CAMK2D: variants seen among roughly 807,000 people sequenced by gnomAD.
The protein encoded by CAMK2D is calcium/calmodulin-dependent protein kinase type II subunit delta.
Under a neutral mutation model 84.0 loss-of-function variants are expected in CAMK2D, and 37 were observed. That is an observed-to-expected ratio of 0.44 (90% confidence interval 0.34 to 0.58). The LOEUF is 0.58. Ranked by LOEUF, CAMK2D falls within the 20% of genes least tolerant of loss-of-function variation. CAMK2D has a pLI of 0.02. For synonymous variants in CAMK2D, 202 were observed against 212.5 expected (o/e 0.95, Z 0.43); for missense variants, 448 against 652.5 (o/e 0.69, Z 3.41).
At chr4:113,624,995 T>G (rs2099061526) in intron 3 of CAMK2D, among the ~76,000 whole-genome samples, 1 of 152,194 alleles carries the variant, frequency 6.6e-6, no homozygotes, top group South Asian at 2.1e-4. Context: ...AGAAGCAAAG[T>G]CTTCTCTTCT....
At chr4:113,580,362 A>G (rs2098802053) in intron 4 of CAMK2D, among the ~76,000 whole-genome samples, 1 of 152,266 alleles carries the variant, frequency 6.6e-6, no homozygotes, top group African/African-American at 2.4e-5. Flanking sequence ...TGTATTCATT[A>G]AAGTGCTACA....
intron 2 of CAMK2D, among the ~76,000 whole-genome samples, chr4:113,672,953 T>C (rs1418200696): frequency 6.6e-6 from 1 of 152,168 alleles, no homozygotes; most frequent in East Asian, 1.9e-4. Flanking sequence ...AGCTGAAACC[T>C]TGAAGGCTAA....
intron 17 of CAMK2D, among the ~76,000 whole-genome samples, 176 bp from the exon 18 acceptor site, chr4:113,460,417 A>G (rs760647410): frequency 2.0e-5 from 3 of 152,118 alleles, no homozygotes; most frequent in South Asian, 4.1e-4. Flanking sequence ...AGACTCTTAA[A>G]AAGACATTTT....
chr4:113,582,844 G>A (rs984416391), intron 4 of CAMK2D, among the ~76,000 whole-genome samples: 1 of 152,230 alleles, frequency 6.6e-6, no homozygotes, highest in African/African-American at 2.4e-5. Flanking sequence ...ACAGCTTGCC[G>A]ATAAATGGAC....
chr4:113,457,485 C>T lies in CAMK2D; in HGVS notation c.1385G>A (p.Cys462Tyr), dbSNP rs1415113015. The T allele has an allele frequency of 6.2e-7, 1 of 1,613,568 alleles. No homozygotes were observed. The highest frequency in any genetic ancestry group is 8.5e-7 in the Non-Finnish European group (1 of 1,179,512). Reference sequence around the variant, plus strand: ...CTGTGTGAGCCTAATATATGCTATGCAGGCGGCATCATCCCCTACCAGATG... The same window carrying T: ...CTGTGTGAGCCTAATATATGCTATGTAGGCGGCATCATCCCCTACCAGATG... Reference protein sequence around the residue: ...HVHLVGDDAACIAYIRLTQYM... With the variant: ...HVHLVGDDAAYIAYIRLTQYM... Residue 462 changes from cysteine to tyrosine, a missense_variant, in exon 19 of 21, where the codon TGC (cysteine) becomes TAC (tyrosine). Cys to Tyr is a radical substitution (Grantham distance 194). Around this residue, in one of 7 missense-constraint regions of CAMK2D, gnomAD observed 219 missense variants for 272.1 expected, o/e 0.80. Transcript: ENST00000511664.
intron 5 of CAMK2D, 102 bp from the exon 6 acceptor site, chr4:113,547,818 T>C: frequency 1.6e-6 from 1 of 629,630 alleles, no homozygotes; most frequent in Non-Finnish European, 2.7e-6. Flanking sequence ...AGCAGACAAC[T>C]GGGGTTGTAT....
intron 2 of CAMK2D, among the ~76,000 whole-genome samples, chr4:113,720,034 A>C (rs541920409): frequency 6.6e-6 from 1 of 152,270 alleles, no homozygotes; most frequent in East Asian, 1.9e-4. Flanking sequence ...TTTAACTGTG[A>C]AATTTTGGTT....
chr4:113,761,123 C>G lies in CAMK2D; in HGVS notation c.-55G>C. 1 of 1,611,430 alleles carries G rather than the reference C, an allele frequency of 6.2e-7. No homozygotes were observed. The highest frequency in any genetic ancestry group is 8.5e-7 in the Non-Finnish European group (1 of 1,179,816). ...GCGCGACGGACCAGAAGCGAGCAGA[C>G]GCGCGGCTAACCCCGGGACTGGCCC... On this transcript the variant is annotated 5_prime_UTR_variant, in exon 1 of 21. Transcript: ENST00000511664.
At chr4:113,624,209 C>T (rs987489540) in intron 3 of CAMK2D, among the ~76,000 whole-genome samples, 1 of 152,104 alleles carries the variant, frequency 6.6e-6, no homozygotes, top group African/African-American at 2.4e-5. Context: ...GGAAGTAATA[C>T]ATCCTAAGAT....
At chr4:113,568,440 C>T (rs1046896191) in intron 4 of CAMK2D, among the ~76,000 whole-genome samples, 1 of 152,110 alleles carries the variant, frequency 6.6e-6, no homozygotes, top group African/African-American at 2.4e-5. Flanking sequence ...AATATTGCAT[C>T]GTATGTACAG....
intron 4 of CAMK2D, among the ~76,000 whole-genome samples, chr4:113,593,639 T>C (rs2154253280): frequency 1.3e-5 from 2 of 152,318 alleles, no homozygotes; most frequent in Admixed American, 1.3e-4. Context: ...AACTTTGAAA[T>C]ATGGCAGAGA....
At chr4:113,632,248 T>C (rs1286732057) in intron 3 of CAMK2D, among the ~76,000 whole-genome samples, 4 of 152,124 alleles carry the variant, frequency 2.6e-5, no homozygotes, top group Non-Finnish European at 5.9e-5. Flanking sequence ...TTATTTGATA[T>C]GGAGTTTCGC....
chr4:113,610,638 A>C (rs1278874916), intron 3 of CAMK2D, among the ~76,000 whole-genome samples: 1 of 152,082 alleles, frequency 6.6e-6, no homozygotes, highest in Admixed American at 6.6e-5. Flanking sequence ...TGAATTTTCT[A>C]TTGTTATTAA....
At chr4:113,558,421 T>A (rs1382827745) in intron 4 of CAMK2D, among the ~76,000 whole-genome samples, 2 of 152,244 alleles carry the variant, frequency 1.3e-5, no homozygotes, top group Non-Finnish European at 2.9e-5. Flanking sequence ...AAATTATATA[T>A]GCAGTTGGCC....
chr4:113,516,473 A>G (rs557570593), intron 9 of CAMK2D, among the ~76,000 whole-genome samples: 1 of 152,246 alleles, frequency 6.6e-6, no homozygotes, highest in Admixed American at 6.5e-5. Flanking sequence ...CTGCCCAGAG[A>G]GGGGCTGGTT....
chr4:113,690,945 G>C (rs2099385324), intron 2 of CAMK2D, among the ~76,000 whole-genome samples: 1 of 152,150 alleles, frequency 6.6e-6, no homozygotes, highest in Admixed American at 6.5e-5. Context: ...GATTGTTTAT[G>C]AATGCCCTGA....
intron 3 of CAMK2D, among the ~76,000 whole-genome samples, chr4:113,615,336 T>C (rs906061918): frequency 1.3e-5 from 2 of 152,056 alleles, no homozygotes; most frequent in African/African-American, 4.8e-5. Flanking sequence ...ACATTAAAAA[T>C]GTAAAAACAC....
At chr4:113,633,691 C>T (rs2099099305) in intron 3 of CAMK2D, among the ~76,000 whole-genome samples, 1 of 152,138 alleles carries the variant, frequency 6.6e-6, no homozygotes. Context: ...CTGTTGGCTC[C>T]ACAAGCAGGA....
chr4:113,568,678 T>C (rs577724904), intron 4 of CAMK2D, among the ~76,000 whole-genome samples: 1 of 152,364 alleles, frequency 6.6e-6, no homozygotes, highest in East Asian at 1.9e-4. Context: ...TGTGCCATTT[T>C]ACATTCCCAC....
Sources: allele counts gnomAD v4.1 joint callset (sites outside exome capture counted in the v4.1 genomes callset), GRCh38; gene constraint gnomAD v4.1.1; regional missense constraint gnomAD v4.1.1; transcripts MANE v1.5; gene names NCBI Gene and HGNC (gene_info 2026-07-23, HGNC 2026-07-21).